The following DOCK4 variants were observed in gnomAD, a reference collection of about 807,000 sequenced individuals.
DOCK4 encodes dedicator of cytokinesis 4.
A neutral mutation model predicts 268.1 loss-of-function variants in DOCK4; 97 were observed. The ratio of observed to expected loss-of-function variants is 0.36; its 90% CI spans 0.31 to 0.43. The LOEUF (loss-of-function observed/expected upper bound fraction) is 0.43. Ranked by LOEUF, DOCK4 falls within the 20% of genes least tolerant of loss-of-function variation. DOCK4 has a pLI of 1.00. For missense variants in DOCK4, 2,145 were observed against 2,455.7 expected, an observed-to-expected ratio of 0.87 and a Z score of 2.67; for synonymous variants, 954 against 887.2, an observed-to-expected ratio of 1.08 and a Z score of -1.34.
chr7:112,167,951 G>T (rs1428574641), intron 1 of DOCK4, among the ~76,000 whole-genome samples: 2 of 151,328 alleles, frequency 1.3e-5, no homozygotes, highest in South Asian at 2.1e-4. Context: ...TAGTCACTTG[G>T]ATATATAAAT....
chr7:112,162,511 TTCTCTCTCTC>T (rs10551859), intron 1 of DOCK4, among the ~76,000 whole-genome samples: 4 of 140,628 alleles, frequency 2.8e-5, no homozygotes, highest in Admixed American at 7.1e-5. Flanking sequence ...GTCTCTTTCT[TTCTCTCTCTC>T]TCTCTCTCTC....
chr7:112,157,118 A>G (rs1026222079), intron 1 of DOCK4, among the ~76,000 whole-genome samples: 1 of 151,772 alleles, frequency 6.6e-6, no homozygotes, highest in African/African-American at 2.4e-5. Context: ...GGGAGGTGAG[A>G]CTCAAATTTT....
intron 44 of DOCK4, among the ~76,000 whole-genome samples, chr7:111,742,745 G>A (rs1178468380): frequency 6.6e-6 from 1 of 152,214 alleles, no homozygotes; most frequent in Non-Finnish European, 1.5e-5. Flanking sequence ...TGTAATCCCA[G>A]CACTTTGGGA....
chr7:112,166,807 T>C (rs1817648016), intron 1 of DOCK4, among the ~76,000 whole-genome samples: 1 of 152,162 alleles, frequency 6.6e-6, no homozygotes, highest in Non-Finnish European at 1.5e-5. Context: ...AATAATAAAT[T>C]CTGATAACTA....
At chr7:111,920,869 G>A (rs1043013804) in intron 12 of DOCK4, among the ~76,000 whole-genome samples, 20 of 151,696 alleles carry the variant, frequency 1.3e-4, no homozygotes, top group South Asian at 2.1e-4. Context: ...AAATTACCAC[G>A]GAAAGAATTG....
rs537206922 is a variant in DOCK4, at chr7:112,026,126, C to G, written c.38-21995G>C. Among the ~76,000 whole-genome samples, 12 of 152,364 alleles carry G rather than the reference C, an allele frequency of 7.9e-5. No individual in the cohort carries two copies. The South Asian group carries it at 2.5e-3, about 32-fold the overall frequency. The stretch of plus-strand genomic sequence containing the variant: ...CTCATTACCACTTGCACACCTGTGC[C>G]CTACAACAGGGGTCCCCAGCCCCCA... On this transcript the variant is annotated intron_variant, in intron 1 of 52. Coordinates refer to ENST00000428084, the MANE Select transcript of DOCK4 (RefSeq NM_001363540.2).
intron 52 of DOCK4, among the ~76,000 whole-genome samples, chr7:111,730,100 T>C (rs551246512): frequency 6.6e-6 from 1 of 152,284 alleles, no homozygotes; most frequent in South Asian, 2.1e-4. Flanking sequence ...ACACCCGGCC[T>C]CCTTCATTTG....
intron 26 of DOCK4, among the ~76,000 whole-genome samples, chr7:111,833,124 T>G (rs544671407): frequency 6.6e-6 from 1 of 152,352 alleles, no homozygotes; most frequent in African/African-American, 2.4e-5. Flanking sequence ...TTAACTGTGT[T>G]AAGAATACAG....
intron 23 of DOCK4, 185 bp downstream of exon 23, chr7:111,863,187 A>G: frequency 1.6e-6 from 1 of 631,752 alleles, no homozygotes; most frequent in South Asian, 1.9e-5. Context: ...TTCTTTCCAG[A>G]AATAAAGTTT....
rs1046228932 is a variant in DOCK4 at position 111,811,847 on chromosome 7, A to G, written c.3006+27T>C. On this transcript the variant is annotated intron_variant, in intron 28 of 52. Coordinates refer to ENST00000428084, the MANE Select transcript of DOCK4 (RefSeq NM_001363540.2). ...ACAATGTGATTCTTTTAGCCCAAGC[A>G]GGAGAGTCATATAAATGAATGCTTA... 5 of 1,304,310 alleles carry G rather than the reference A, an allele frequency of 3.8e-6. No homozygotes were observed. The African/African-American group carries it at 7.4e-5, about 19-fold the overall frequency. The allele number at this position is 1,304,310 out of a possible 1,614,324, so 80.8% of individuals were successfully genotyped here.
intron 15 of DOCK4, among the ~76,000 whole-genome samples, chr7:111,896,975 G>A (rs1274161964): frequency 6.6e-6 from 1 of 152,142 alleles, no homozygotes; most frequent in Non-Finnish European, 1.5e-5. Flanking sequence ...TCTGGGAAGA[G>A]ATTTCCACAT....
intron 1 of DOCK4, among the ~76,000 whole-genome samples, chr7:112,146,674 A>G (rs1263670943): frequency 2.6e-5 from 4 of 152,196 alleles, no homozygotes; most frequent in African/African-American, 9.6e-5. Flanking sequence ...TTAAGGATGC[A>G]GTGAGCCCTG....
At chr7:111,844,655 G>T (rs998393960) in intron 25 of DOCK4, 108 bp downstream of exon 25, 3 of 1,363,288 alleles carry the variant, frequency 2.2e-6, no homozygotes, top group Non-Finnish European at 2.9e-6. Context: ...ATGCTGATGG[G>T]TTACTCTCCT....
chr7:111,735,196 C>T (rs757922165), intron 50 of DOCK4, 29 bp from the exon 51 acceptor site: 1 of 1,466,568 alleles, frequency 6.8e-7, no homozygotes, highest in Non-Finnish European at 9.3e-7. Flanking sequence ...GCTAAAAACA[C>T]ACGGTCCAGC....
chr7:111,819,711 T>G (rs2133953830), intron 27 of DOCK4: 1 of 152,324 alleles, frequency 6.6e-6, no homozygotes, highest in Non-Finnish European at 1.5e-5. Context: ...AGAACATTCA[T>G]TTTGAGGGAT....
At chr7:111,869,358 G>T in intron 21 of DOCK4, 1 of 497,858 alleles carries the variant, frequency 2.0e-6, no homozygotes, top group Non-Finnish European at 3.7e-6. Context: ...GAGGAACAAG[G>T]ATTCAATCCT....
intron 7 of DOCK4, among the ~76,000 whole-genome samples, chr7:111,984,039 A>C (rs1475461203): frequency 6.6e-6 from 1 of 152,168 alleles, no homozygotes; most frequent in Non-Finnish European, 1.5e-5. Flanking sequence ...AAAAGTAGAA[A>C]GATTTGCAAA....
intron 1 of DOCK4, among the ~76,000 whole-genome samples, chr7:112,068,714 T>C (rs1235882718): frequency 1.3e-5 from 2 of 152,156 alleles, no homozygotes; most frequent in East Asian, 1.9e-4. Context: ...GAGACAGACA[T>C]GGTGTCTCAT....
intron 1 of DOCK4, among the ~76,000 whole-genome samples, chr7:112,116,342 C>G (rs1340499838): frequency 1.3e-5 from 2 of 152,128 alleles, no homozygotes; most frequent in Non-Finnish European, 2.9e-5. Context: ...TGTATCAGTA[C>G]TTCATTCCTT....
Sources: gnomAD v4.1 joint callset for allele counts (sites outside exome capture counted in the v4.1 genomes callset) on GRCh38, gnomAD v4.1.1 for gene constraint, MANE v1.5 for transcripts, NCBI Gene and HGNC (gene_info 2026-07-23, HGNC 2026-07-21) for gene names.